The following KIAA2012 variants were observed in gnomAD, a reference collection of about 807,000 sequenced individuals.
The protein encoded by KIAA2012 is KIAA2012.
In KIAA2012, 125 loss-of-function variants were observed where a neutral mutation model predicts 150.6. The ratio of observed to expected loss-of-function variants is 0.83; its 90% CI spans 0.72 to 0.96. The LOEUF is 0.96. Among genes scored for constraint, KIAA2012 ranks in the 40% least tolerant of loss-of-function variants. The pLI is 0.00. For missense variants in KIAA2012, 1,219 were observed against 1,354.9 expected (o/e 0.90, Z 1.57); for synonymous variants, 462 against 504.7 (o/e 0.92, Z 1.13).
chr2:202,181,915 A>G (rs1170780976), intron 15 of KIAA2012, among the ~76,000 whole-genome samples: 3 of 152,050 alleles, frequency 2.0e-5, no homozygotes, highest in Admixed American at 1.3e-4. Context: ...AAATTGTACA[A>G]TTCCCATGAA....
intron 3 of KIAA2012, among the ~76,000 whole-genome samples, chr2:202,091,523 C>T (rs545666612): frequency 6.6e-6 from 1 of 152,232 alleles, no homozygotes; most frequent in East Asian, 1.9e-4. Flanking sequence ...ACCCTAAATG[C>T]ACTCTGTAGA....
At chr2:202,078,590 G>A (rs1323207417) in intron 2 of KIAA2012, among the ~76,000 whole-genome samples, 3 of 152,048 alleles carry the variant, frequency 2.0e-5, no homozygotes, top group African/African-American at 7.2e-5. Flanking sequence ...TGCCTGGCCT[G>A]GAATGTATTT....
chr2:202,120,609 A>T (rs1575022870), intron 11 of KIAA2012, among the ~76,000 whole-genome samples: 1 of 152,088 alleles, frequency 6.6e-6, no homozygotes, highest in Non-Finnish European at 1.5e-5. Context: ...GTGATGCTTT[A>T]CCTGACCACC....
At chr2:202,202,195 A>G (rs553032471) in intron 22 of KIAA2012, among the ~76,000 whole-genome samples, 47 of 152,142 alleles carry the variant, frequency 3.1e-4, no homozygotes, top group African/African-American at 1.1e-3. Context: ...CCAGCAGTGT[A>G]AGAACTGTGA....
At chr2:202,204,289 CTGG>C (rs2105760676) in intron 23 of KIAA2012, among the ~76,000 whole-genome samples, 1 of 152,126 alleles carries the variant, frequency 6.6e-6, no homozygotes, top group East Asian at 1.9e-4. Flanking sequence ...GATGCTCAGG[CTGG>C]TCTCAAAATC....
intron 23 of KIAA2012, among the ~76,000 whole-genome samples, chr2:202,203,299 TAAAG>T (rs574740718): frequency 1.4e-4 from 22 of 152,282 alleles, no homozygotes; most frequent in Admixed American, 2.6e-4. Flanking sequence ...TTCAAATATA[TAAAG>T]AATTTTATTA....
intron 23 of KIAA2012, 95 bp downstream of exon 23, chr2:202,202,682 C>A: frequency 2.5e-6 from 1 of 394,000 alleles, no homozygotes; most frequent in Non-Finnish European, 4.5e-6. Context: ...AATCCCAACA[C>A]TTTGAGAGGC....
At position 202,138,395 on chromosome 2, in the gene KIAA2012, C is replaced by T. The variant is rs532106041; in HGVS notation, c.1832-37C>T. 10 of 1,466,946 alleles carry T rather than the reference C, an allele frequency of 6.8e-6. No individual in the cohort carries two copies. The South Asian group carries it at 1.2e-4, about 18-fold the overall frequency. 90.9% of individuals were successfully genotyped at this position (1,466,946 alleles called of 1,614,324 possible). On this transcript the variant is annotated intron_variant, in intron 12 of 23. Transcript: ENST00000498697. ...AAAAGTCATGAGATCCAGATCTGAC[C>T]ACCTTGATCTTTTTTCCTCTTTGAT...
intron 10 of KIAA2012, among the ~76,000 whole-genome samples, chr2:202,111,305 T>C (rs1356877575): frequency 7.3e-6 from 1 of 136,748 alleles, no homozygotes; most frequent in African/African-American, 2.8e-5. Flanking sequence ...GACCAGCTTG[T>C]GCAACAAGGT....
intron 13 of KIAA2012, among the ~76,000 whole-genome samples, chr2:202,147,626 G>T (rs1691328386): frequency 6.6e-6 from 1 of 152,290 alleles, no homozygotes; most frequent in South Asian, 2.1e-4. Context: ...TTTTATGGGC[G>T]AGTCTGGGAA....
intron 13 of KIAA2012, among the ~76,000 whole-genome samples, chr2:202,143,075 A>ATTTTTTTTTTTTTTTTTTTTTTTTTTT: frequency 8.0e-6 from 1 of 124,988 alleles, no homozygotes; most frequent in Non-Finnish European, 1.6e-5. Context: ...CACTGGTTTA[A>ATTTTTTTTTTTTTTTTTTTTTTTTTTT]TTTTTTTTTT....
intron 2 of KIAA2012, among the ~76,000 whole-genome samples, chr2:202,080,072 C>T (rs1689411864): frequency 6.6e-6 from 1 of 152,118 alleles, no homozygotes; most frequent in Admixed American, 6.5e-5. Flanking sequence ...AGTGGTGAAG[C>T]TAGAATTGGA....
chr2:202,122,587 G>A (rs947275190), intron 11 of KIAA2012, among the ~76,000 whole-genome samples: 2 of 147,386 alleles, frequency 1.4e-5, no homozygotes, highest in African/African-American at 2.5e-5. Context: ...TGCAGCTTCC[G>A]CTTCTCGGGT....
intron 14 of KIAA2012, among the ~76,000 whole-genome samples, chr2:202,163,006 T>G (rs1167224009): frequency 6.6e-6 from 1 of 152,096 alleles, no homozygotes; most frequent in East Asian, 1.9e-4. Flanking sequence ...TAATAATAAT[T>G]TATTTAACTA....
chr2:202,192,454 C>CTTTT (rs71406952), intron 19 of KIAA2012, among the ~76,000 whole-genome samples: 4 of 120,350 alleles, frequency 3.3e-5, no homozygotes, highest in Non-Finnish European at 5.3e-5. Context: ...AAAATAGCTT[C>CTTTT]TTTTTTTTTT....
At chr2:202,160,534 C>T (rs537849850) in intron 14 of KIAA2012, among the ~76,000 whole-genome samples, 12 of 152,150 alleles carry the variant, frequency 7.9e-5, no homozygotes, top group African/African-American at 1.7e-4. Flanking sequence ...AGCATGGTCT[C>T]GATCTCCTGA....
intron 11 of KIAA2012, among the ~76,000 whole-genome samples, chr2:202,122,688 G>A (rs757559384): frequency 1.3e-5 from 2 of 152,210 alleles, no homozygotes; most frequent in Admixed American, 6.5e-5. Flanking sequence ...ATTTTTAGTA[G>A]AGATGGGGTT....
At chr2:202,101,405 G>T (rs973830677) in intron 7 of KIAA2012, among the ~76,000 whole-genome samples, 1 of 152,252 alleles carries the variant, frequency 6.6e-6, no homozygotes, top group Non-Finnish European at 1.5e-5. Context: ...TGGTGCAGGA[G>T]TGAACAGCAG....
chr2:202,179,537 G>A, intron 15 of KIAA2012: 1 of 692,280 alleles, frequency 1.4e-6, no homozygotes, highest in Non-Finnish European at 2.8e-6. Context: ...CGTGGGCCCA[G>A]ATAACAAAGT....
Sources: allele counts gnomAD v4.1 joint callset (sites outside exome capture counted in the v4.1 genomes callset), GRCh38; gene constraint gnomAD v4.1.1; transcripts MANE v1.5; gene names NCBI Gene and HGNC (gene_info 2026-07-23, HGNC 2026-07-21).